The following AOPEP variants were observed in gnomAD, a reference collection of about 807,000 sequenced individuals.
The protein encoded by AOPEP is aminopeptidase O.
A neutral mutation model predicts 98.1 loss-of-function variants in AOPEP; 77 were observed. That is an observed-to-expected ratio of 0.78 (90% CI 0.65 to 0.95). The LOEUF is 0.95. Ranked by LOEUF, AOPEP falls within the 40% of genes least tolerant of loss-of-function variation. The pLI is 0.00. For missense variants in AOPEP, 1,024 were observed against 1,024.7 expected, an observed-to-expected ratio of 1.00 and a Z score of 0.01; for synonymous variants, 346 against 365.3, an observed-to-expected ratio of 0.95 and a Z score of 0.60.
chr9:94,798,117 A>G (rs964649044), intron 4 of AOPEP, among the ~76,000 whole-genome samples: 1 of 152,200 alleles, frequency 6.6e-6, no homozygotes, highest in Non-Finnish European at 1.5e-5. Flanking sequence ...CCTTGGTCAC[A>G]AGTGAGCCAG....
chr9:95,111,452 C>T, the AOPEP span: 1 of 1,610,282 alleles, frequency 6.2e-7, no homozygotes, highest in Admixed American at 1.7e-5. Flanking sequence ...GCAGTGGGGC[C>T]TGCTACCCAC....
intron 2 of AOPEP, among the ~76,000 whole-genome samples, chr9:94,766,279 G>A (rs563910779): frequency 1.4e-3 from 211 of 152,268 alleles, no homozygotes; most frequent in Middle Eastern, 3.4e-3. Flanking sequence ...CGGCTCACGC[G>A]TGTAATCCCA....
intron 1 of AOPEP, among the ~76,000 whole-genome samples, chr9:94,737,766 G>A (rs1387606528): frequency 6.6e-6 from 1 of 152,224 alleles, no homozygotes; most frequent in Non-Finnish European, 1.5e-5. Context: ...TTAAGAGTGA[G>A]GGAGAAGTCT....
chr9:95,023,900 T>C (rs1422536946), intron 13 of AOPEP, among the ~76,000 whole-genome samples: 2 of 152,214 alleles, frequency 1.3e-5, no homozygotes, highest in African/African-American at 2.4e-5. Context: ...GCCTTGCTTA[T>C]GTAGTCAAGG....
At chr9:95,134,827 G>A in the AOPEP span, among the ~76,000 whole-genome samples, 1 of 152,242 alleles carries the variant, frequency 6.6e-6, no homozygotes, top group Non-Finnish European at 1.5e-5. Flanking sequence ...AGCGGGAAGG[G>A]AGCCAGGCGC....
chr9:95,009,473 A>G (rs1012167187), intron 13 of AOPEP, among the ~76,000 whole-genome samples: 5 of 152,200 alleles, frequency 3.3e-5, no homozygotes, highest in Non-Finnish European at 5.9e-5. Context: ...GTCTATATAT[A>G]TAGTAAGCGG....
intron 13 of AOPEP, chr9:95,056,146 A>T (rs1201286563): frequency 6.6e-6 from 1 of 152,192 alleles, no homozygotes; most frequent in East Asian, 1.9e-4. Flanking sequence ...ATCAGGGAGG[A>T]AGCATGCTTC....
At chr9:94,785,571 C>T (rs1466386864) in intron 3 of AOPEP, among the ~76,000 whole-genome samples, 3 of 152,178 alleles carry the variant, frequency 2.0e-5, no homozygotes, top group South Asian at 2.1e-4. Flanking sequence ...AGCTGGGTGG[C>T]GGCTTGTGCC....
chr9:95,009,103 A>AG (rs1210519937), intron 13 of AOPEP, among the ~76,000 whole-genome samples: 4 of 152,232 alleles, frequency 2.6e-5, no homozygotes, highest in Non-Finnish European at 5.9e-5. Flanking sequence ...AGCTGTGCAA[A>AG]GGACAGGATG....
chr9:94,781,242 T>C (rs1843173360), intron 3 of AOPEP, among the ~76,000 whole-genome samples: 2 of 152,208 alleles, frequency 1.3e-5, no homozygotes, highest in Admixed American at 1.3e-4. Context: ...TGTTGGCCTA[T>C]ATTCTCTACC....
chr9:95,034,615 C>T (rs1457946633), intron 13 of AOPEP, among the ~76,000 whole-genome samples: 3 of 152,160 alleles, frequency 2.0e-5, no homozygotes, highest in South Asian at 2.1e-4. Flanking sequence ...CAGTGGCCTG[C>T]GAGGCCTCAT....
At chr9:94,864,451 A>G (rs566012950) in intron 5 of AOPEP, among the ~76,000 whole-genome samples, 1 of 152,248 alleles carries the variant, frequency 6.6e-6, no homozygotes, top group South Asian at 2.1e-4. Context: ...TTTAGAGGGG[A>G]AAAAAATGCG....
chr9:94,742,685 G>A (rs1030156452), intron 1 of AOPEP, among the ~76,000 whole-genome samples: 9 of 151,946 alleles, frequency 5.9e-5, no homozygotes, highest in Non-Finnish European at 7.4e-5. Context: ...CGCCTGCCTC[G>A]GCCTCCCAAA....
chr9:94,890,878 T>G (rs978108046), intron 5 of AOPEP, among the ~76,000 whole-genome samples: 1 of 152,374 alleles, frequency 6.6e-6, no homozygotes, highest in Admixed American at 6.5e-5. Flanking sequence ...GGGCCTGTTG[T>G]GGTGAATGTT....
At position 94,972,068 on chromosome 9, in the gene AOPEP, A is replaced by G. The variant is rs1186320737; in HGVS notation, c.1916+4267A>G. 6.6e-6 allele frequency among the ~76,000 whole-genome samples: 1 copy of G among 152,208 alleles called. No individual in the cohort carries two copies. The highest frequency in any genetic ancestry group is 2.4e-5 in the African/African-American group (1 of 41,458). ...GCCAGGAAAACAATTAGAAACCAAT[A>G]GAGCGGTTCAGTCAAGAGACCTGGA... On this transcript the variant is annotated intron_variant, in intron 10 of 16. Coordinates refer to ENST00000375315, the MANE Select transcript of AOPEP (RefSeq NM_001193329.3). The surrounding 1 kb of genome is among the most constrained non-coding windows in gnomAD (Gnocchi z 4.2).
intron 7 of AOPEP, chr9:94,933,548 G>T: frequency 1.0e-6 from 1 of 985,312 alleles, no homozygotes; most frequent in Non-Finnish European, 1.2e-6. Context: ...ATAAATGCGA[G>T]CATCTTTCCC....
At chr9:95,057,217 A>C (rs1469097720) in intron 13 of AOPEP, among the ~76,000 whole-genome samples, 4 of 152,216 alleles carry the variant, frequency 2.6e-5, no homozygotes, top group African/African-American at 7.2e-5. Flanking sequence ...CCAAAGCCTT[A>C]TCTCTCTCCC....
At chr9:94,781,091 CTT>C (rs879916375) in intron 3 of AOPEP, among the ~76,000 whole-genome samples, 1 of 142,328 alleles carries the variant, frequency 7.0e-6, no homozygotes. Flanking sequence ...AGTTGTTATT[CTT>C]TTTTTTTTTT....
chr9:94,739,403 G>C (rs144998383), intron 1 of AOPEP, among the ~76,000 whole-genome samples: 1,937 of 152,270 alleles, frequency 0.013, 35 homozygotes, highest in African/African-American at 0.039. Context: ...CCAGCACTTT[G>C]GGAGGCCAAG....
Sources: allele counts gnomAD v4.1 joint callset (sites outside exome capture counted in the v4.1 genomes callset), GRCh38; gene constraint gnomAD v4.1.1; non-coding constraint Gnocchi (gnomAD v3.1); transcripts MANE v1.5; gene names NCBI Gene and HGNC (gene_info 2026-07-23, HGNC 2026-07-21).